Variants in MMP26 observed in about 807,000 individuals in gnomAD.
The protein encoded by MMP26 is matrix metalloproteinase-26.
In MMP26, 33 loss-of-function variants were observed where a neutral mutation model predicts 31.0. That is an observed-to-expected ratio of 1.06 (90% CI 0.81 to 1.42). MMP26 has a LOEUF of 1.42. Among genes scored for constraint, MMP26 ranks in the 40% most tolerant of loss-of-function variants. MMP26 has a pLI of 0.00. For missense variants in MMP26, 347 were observed against 316.1 expected, an observed-to-expected ratio of 1.10 and a Z score of -0.74; for synonymous variants, 122 against 114.9, an observed-to-expected ratio of 1.06 and a Z score of -0.40.
At chr11:4,865,987 C>G (rs984700261) in intron 2 of MMP26, among the ~76,000 whole-genome samples, 4 of 152,012 alleles carry the variant, frequency 2.6e-5, no homozygotes, top group Non-Finnish European at 4.4e-5. Flanking sequence ...CAAACAGAGA[C>G]TTGACAACTG....
At chr11:4,705,840 T>G (rs901981776) in intron 1 of MMP26, among the ~76,000 whole-genome samples, 17 of 151,080 alleles carry the variant, frequency 1.1e-4, no homozygotes, top group South Asian at 2.1e-4. Flanking sequence ...TACAAAAAAT[T>G]AGCTGGGTGT....
intron 2 of MMP26, among the ~76,000 whole-genome samples, chr11:4,819,307 G>A (rs1399142890): frequency 3.9e-5 from 6 of 152,072 alleles, no homozygotes; most frequent in African/African-American, 1.4e-4. Context: ...AAATGGGGGA[G>A]ATAATTTTAC....
At chr11:4,893,575 G>A (rs1850659384) in intron 2 of MMP26, among the ~76,000 whole-genome samples, 1 of 152,044 alleles carries the variant, frequency 6.6e-6, no homozygotes, top group Admixed American at 6.6e-5. Context: ...CTTTCCTTTT[G>A]TTCCGATTCA....
At chr11:4,921,220 C>T (rs1851178629) in intron 2 of MMP26, among the ~76,000 whole-genome samples, 2 of 152,138 alleles carry the variant, frequency 1.3e-5, no homozygotes, top group Admixed American at 6.5e-5. Context: ...TCTTCTTTTC[C>T]CTAGGCTCAC....
In MMP26 at chr11:4,706,596, A is replaced by G. The variant is rs1173416907; in HGVS notation, c.-217+1551A>G. Among the ~76,000 whole-genome samples, 7 of 124,326 alleles carry G rather than the reference A, an allele frequency of 5.6e-5. No homozygotes were observed. The South Asian group carries it at 6.7e-4, about 12-fold the overall frequency. The allele number at this position is 124,326 out of a possible 152,430, so 81.6% of individuals were successfully genotyped here. Reference sequence around the variant, plus strand: ...CTATCTCAAAAAAAAAAAAAAAAAAAAAAGACAGAAAGAAAGAAAGAAAGA... The same window carrying G: ...CTATCTCAAAAAAAAAAAAAAAAAAGAAAGACAGAAAGAAAGAAAGAAAGA... On this transcript the variant is annotated intron_variant, in intron 1 of 7. Coordinates refer to ENST00000380390, the MANE Select transcript of MMP26 (RefSeq NM_021801.5).
At chr11:4,943,169 C>T in intron 2 of MMP26, 2 of 190,430 alleles carry the variant, frequency 1.1e-5, no homozygotes. Context: ...TGACCAATGT[C>T]CAATAGAAAA....
At chr11:4,928,949 C>T (rs1851309394) in intron 2 of MMP26, among the ~76,000 whole-genome samples, 1 of 152,130 alleles carries the variant, frequency 6.6e-6, no homozygotes, top group Non-Finnish European at 1.5e-5. Flanking sequence ...ATGTAGCTAA[C>T]TTTTTCCAGG....
chr11:4,933,830 T>C (rs1851390210), intron 2 of MMP26, among the ~76,000 whole-genome samples: 1 of 150,082 alleles, frequency 6.7e-6, no homozygotes, highest in Admixed American at 6.7e-5. Flanking sequence ...AGTGTTTGGT[T>C]TTTTATTCTT....
At chr11:4,919,077 A>T (rs1241610224) in intron 2 of MMP26, 1 of 152,234 alleles carries the variant, frequency 6.6e-6, no homozygotes, top group Non-Finnish European at 1.5e-5. Context: ...AAAACAAGGA[A>T]ATTGACTGAT....
intron 1 of MMP26, among the ~76,000 whole-genome samples, chr11:4,737,300 A>G (rs944578219): frequency 6.6e-6 from 1 of 152,016 alleles, no homozygotes; most frequent in African/African-American, 2.4e-5. Context: ...CTTCCTCTTC[A>G]TGATTCTTGT....
At chr11:4,957,629 T>TAACA (rs1846462036) in intron 2 of MMP26, among the ~76,000 whole-genome samples, 1 of 152,126 alleles carries the variant, frequency 6.6e-6, no homozygotes, top group South Asian at 2.1e-4. Context: ...CATTTGTTAT[T>TAACA]CTGGTTGCCT....
chr11:4,900,482 C>T (rs1245379794), intron 2 of MMP26, among the ~76,000 whole-genome samples: 1 of 152,144 alleles, frequency 6.6e-6, no homozygotes, highest in Non-Finnish European at 1.5e-5. Flanking sequence ...GTTTTATCAG[C>T]CTTGTTGAGT....
intron 4 of MMP26, 22 bp from the exon 5 acceptor site, chr11:4,990,576 A>G (rs1846982928): frequency 6.2e-7 from 1 of 1,604,162 alleles, no homozygotes; most frequent in South Asian, 1.1e-5. Context: ...GAACTATTTC[A>G]TTTAGAGATT....
chr11:4,981,115 A>T (rs973346411), intron 2 of MMP26, among the ~76,000 whole-genome samples: 2 of 152,106 alleles, frequency 1.3e-5, no homozygotes, highest in African/African-American at 4.8e-5. Context: ...TCCTTTAGAG[A>T]GTGTACTGAA....
intron 1 of MMP26, chr11:4,752,113 G>T (rs1317944843): frequency 6.6e-6 from 1 of 152,130 alleles, no homozygotes; most frequent in Non-Finnish European, 1.5e-5. Flanking sequence ...GATGATGGGG[G>T]ATTCATCACA....
intron 2 of MMP26, chr11:4,946,285 G>C: frequency 1.9e-6 from 3 of 1,613,976 alleles, no homozygotes; most frequent in Non-Finnish European, 2.5e-6. Flanking sequence ...GAACATTAAT[G>C]AGGGGAGAGA....
At chr11:4,729,703 C>A (rs1848147510) in intron 1 of MMP26, among the ~76,000 whole-genome samples, 1 of 152,004 alleles carries the variant, frequency 6.6e-6, no homozygotes, top group African/African-American at 2.4e-5. Context: ...TTAATGACTT[C>A]ATGATTTAAC....
chr11:4,897,260 C>T (rs1384731018), intron 2 of MMP26, among the ~76,000 whole-genome samples: 2 of 152,118 alleles, frequency 1.3e-5, no homozygotes, highest in Non-Finnish European at 2.9e-5. Context: ...CTGCCTCAGC[C>T]TCCTGAGTAA....
chr11:4,881,903 G>T, intron 2 of MMP26: 1 of 1,610,692 alleles, frequency 6.2e-7, no homozygotes. Flanking sequence ...ACCAACCATG[G>T]CAATATTCAA....
Sources: allele counts gnomAD v4.1 joint callset (sites outside exome capture counted in the v4.1 genomes callset), GRCh38; gene constraint gnomAD v4.1.1; transcripts MANE v1.5; gene names NCBI Gene and HGNC (gene_info 2026-07-23, HGNC 2026-07-21).